Variants in THSD7A observed in about 807,000 individuals in gnomAD.
THSD7A encodes thrombospondin type 1 domain containing 7A, also known as thrombospondin type-1 domain-containing protein 7A.
A neutral mutation model predicts 231.3 loss-of-function variants in THSD7A; 96 were observed. The ratio of observed to expected loss-of-function variants is 0.41; its 90% CI spans 0.35 to 0.49. THSD7A has a LOEUF of 0.49. Among genes scored for constraint, THSD7A ranks in the 20% least tolerant of loss-of-function variants. THSD7A has a pLI of 0.05. For synonymous variants in THSD7A, 940 were observed against 743.3 expected (o/e 1.26, Z -4.30); for missense variants, 2,290 against 2,070.2 (o/e 1.11, Z -2.06).
intron 23 of THSD7A, among the ~76,000 whole-genome samples, chr7:11,398,948 C>T (rs1212532701): frequency 6.6e-6 from 1 of 152,208 alleles, no homozygotes; most frequent in African/African-American, 2.4e-5. Flanking sequence ...AGATAACTTC[C>T]TCACATCCCG....
In THSD7A at chr7:11,406,439, G is replaced by A; in HGVS notation, c.4098C>T (p.Asn1366=). ...AQCGEGTRTR[N]ISCVVSDGSA... The stretch of plus-strand genomic sequence containing the variant: ...ACCCATCACTTACTACACAAGAAAT[G>A]TTCCTTGTTCTGGTCCCTTCTCCAC... Residue 1366 remains asparagine, a synonymous_variant, in exon 22 of 28, where the codon AAC becomes AAT. Coordinates refer to ENST00000423059, the MANE Select transcript of THSD7A (RefSeq NM_015204.3). This position sits in a 1 kb window ranked among gnomAD's most constrained non-coding sequence, Gnocchi z 4.7. The A allele has an allele frequency of 6.2e-7, 1 of 1,613,582 alleles. No individual in the cohort carries two copies.
intron 1 of THSD7A, among the ~76,000 whole-genome samples, chr7:11,748,424 C>T (rs1040317293): frequency 1.3e-5 from 2 of 151,902 alleles, no homozygotes; most frequent in Non-Finnish European, 2.9e-5. Context: ...CTTGAAAACT[C>T]TTCTTAGGGA....
chr7:11,775,928 T>C (rs905414373), intron 1 of THSD7A, among the ~76,000 whole-genome samples: 9 of 152,216 alleles, frequency 5.9e-5, no homozygotes, highest in Admixed American at 2.6e-4. Flanking sequence ...ATTTAAATAA[T>C]GAAGTACCTA....
chr7:11,455,554 A>T lies in THSD7A; in HGVS notation c.2605+5108T>A, dbSNP rs1007095702. Among the ~76,000 whole-genome samples, 6 of 152,036 alleles carry T rather than the reference A, an allele frequency of 3.9e-5. No individual in the cohort carries two copies. In the South Asian group the frequency reaches 8.3e-4, roughly 21 times the overall value. ...TAAATGTAAAGGAATTGGGTCATAAATAAAAAATTCCTATGTGCTTTTCAA... is the reference window on the plus strand; with the variant it reads ...TAAATGTAAAGGAATTGGGTCATAATTAAAAAATTCCTATGTGCTTTTCAA... On this transcript the variant is annotated intron_variant, in intron 11 of 27. Transcript: ENST00000423059.
chr7:11,821,641 A>G (rs1191241489), intron 1 of THSD7A, among the ~76,000 whole-genome samples: 3 of 152,130 alleles, frequency 2.0e-5, no homozygotes, highest in Non-Finnish European at 4.4e-5. Context: ...AGTCTTGCAT[A>G]GCTTTTCCTG....
At chr7:11,594,121 C>G (rs1488940256) in intron 2 of THSD7A, among the ~76,000 whole-genome samples, 2 of 152,180 alleles carry the variant, frequency 1.3e-5, no homozygotes, top group African/African-American at 4.8e-5. Context: ...GGCCTAACCT[C>G]TCAACCTACA....
intron 1 of THSD7A, among the ~76,000 whole-genome samples, chr7:11,775,977 T>A (rs537157651): frequency 1.3e-5 from 2 of 152,206 alleles, no homozygotes; most frequent in Non-Finnish European, 2.9e-5. Context: ...ACTATTATAA[T>A]TATAAAGATA....
At chr7:11,615,575 A>G (rs1781078562) in intron 2 of THSD7A, among the ~76,000 whole-genome samples, 1 of 152,230 alleles carries the variant, frequency 6.6e-6, no homozygotes, top group Non-Finnish European at 1.5e-5. Flanking sequence ...ACCTATGTCT[A>G]TAATTACTGC....
rs188653582 is a variant in THSD7A at position 11,473,731 on chromosome 7, C to G, written c.2252+603G>C. ...TTCTCCCCTCCAGCAAAGTGTTTGC[C>G]CTGTTATTATAGTACTCAAAAGCAC... is the stretch of plus-strand genomic sequence containing the variant. On this transcript the variant is annotated intron_variant, in intron 8 of 27. Coordinates refer to ENST00000423059, the MANE Select transcript of THSD7A (RefSeq NM_015204.3). Among the ~76,000 whole-genome samples the G allele has an allele frequency of 9.0e-3, 1,376 of 152,082 alleles. 20 individuals carry two copies. The highest frequency in any genetic ancestry group is 0.032 in the African/African-American group (1,313 of 41,468).
intron 6 of THSD7A, among the ~76,000 whole-genome samples, chr7:11,537,786 T>C (rs948410504): frequency 6.6e-6 from 1 of 152,222 alleles, no homozygotes; most frequent in African/African-American, 2.4e-5. Context: ...GCCAGTTCTT[T>C]TGATACTTTT....
intron 1 of THSD7A, among the ~76,000 whole-genome samples, chr7:11,663,994 G>C (rs776855540): frequency 4.6e-5 from 7 of 150,986 alleles, no homozygotes; most frequent in Non-Finnish European, 1.0e-4. Context: ...AAAAGATATA[G>C]CATGTTAGAG....
intron 1 of THSD7A, among the ~76,000 whole-genome samples, chr7:11,714,888 G>A (rs891000578): frequency 6.6e-6 from 1 of 151,328 alleles, no homozygotes; most frequent in African/African-American, 2.4e-5. Flanking sequence ...ATTGGAAAAG[G>A]CATGTCAAGG....
At chr7:11,461,292 C>T (rs938281417) in intron 10 of THSD7A, among the ~76,000 whole-genome samples, 8 of 152,112 alleles carry the variant, frequency 5.3e-5, no homozygotes, top group African/African-American at 1.9e-4. Flanking sequence ...TAGTATTTGT[C>T]ATCTCAGAAT....
intron 1 of THSD7A, among the ~76,000 whole-genome samples, chr7:11,769,132 TATATATATATA>T (rs1783129157): frequency 2.4e-5 from 1 of 41,990 alleles, no homozygotes; most frequent in Non-Finnish European, 5.4e-5. Context: ...AATATATATA[TATATATATATA>T]TATATATATA....
At chr7:11,543,533 G>C (rs911971074) in intron 4 of THSD7A, among the ~76,000 whole-genome samples, 1 of 152,156 alleles carries the variant, frequency 6.6e-6, no homozygotes, top group Non-Finnish European at 1.5e-5. Context: ...TGAAAAAAAT[G>C]TCCACTGAGT....
intron 1 of THSD7A, among the ~76,000 whole-genome samples, chr7:11,741,048 A>G (rs1166304864): frequency 2.0e-5 from 3 of 151,938 alleles, no homozygotes; most frequent in Non-Finnish European, 4.4e-5. Flanking sequence ...GAATGCCAAT[A>G]TTTTGCTAGG....
chr7:11,415,803 C>T (rs890628030), intron 17 of THSD7A, among the ~76,000 whole-genome samples: 3 of 152,172 alleles, frequency 2.0e-5, no homozygotes, highest in African/African-American at 7.2e-5. Flanking sequence ...TATTAAACTT[C>T]GATTGATTGG....
At chr7:11,550,069 C>T (rs1024481970) in intron 4 of THSD7A, among the ~76,000 whole-genome samples, 3 of 152,030 alleles carry the variant, frequency 2.0e-5, no homozygotes, top group African/African-American at 4.8e-5. Flanking sequence ...AGATGATATG[C>T]TTTTATACCT....
chr7:11,805,857 A>G (rs1475599032), intron 1 of THSD7A, among the ~76,000 whole-genome samples: 1 of 152,138 alleles, frequency 6.6e-6, no homozygotes, highest in African/African-American at 2.4e-5. Context: ...ATATACATAT[A>G]TATGTCTCAA....
Sources: gnomAD v4.1 joint callset for allele counts (sites outside exome capture counted in the v4.1 genomes callset) on GRCh38, gnomAD v4.1.1 for gene constraint, Gnocchi (gnomAD v3.1) non-coding constraint, MANE v1.5 for transcripts, NCBI Gene and HGNC (gene_info 2026-07-23, HGNC 2026-07-21) for gene names.